The following PKHD1L1 variants were observed in gnomAD, a reference collection of about 807,000 sequenced individuals.
PKHD1L1 encodes the protein PKHD1 like 1.
Under a neutral mutation model 462.9 loss-of-function variants are expected in PKHD1L1, and 434 were observed. The ratio of observed to expected loss-of-function variants is 0.94; its 90% CI spans 0.87 to 1.02. The LOEUF (loss-of-function observed/expected upper bound fraction) is 1.02, where lower values mean the gene tolerates loss of function less well. Ranked by LOEUF, PKHD1L1 falls within the 50% of genes least tolerant of loss-of-function variation. PKHD1L1 has a pLI of 0.00. For synonymous variants in PKHD1L1, 1,781 were observed against 1,750.0 expected (o/e 1.02, Z -0.44); for missense variants, 5,202 against 5,096.1 (o/e 1.02, Z -0.63).
intron 17 of PKHD1L1, 28 bp from the exon 18 acceptor site, chr8:109,408,021 A>G: frequency 2.6e-6 from 4 of 1,538,704 alleles, no homozygotes; most frequent in Non-Finnish European, 3.5e-6. Flanking sequence ...GTTAATGTCT[A>G]CAAATTCTGT....
intron 14 of PKHD1L1, among the ~76,000 whole-genome samples, chr8:109,402,195 G>A (rs1156720787): frequency 1.3e-5 from 2 of 152,132 alleles, no homozygotes; most frequent in East Asian, 3.8e-4. Flanking sequence ...ATGATACATT[G>A]AAAATGGAGA....
At chr8:109,441,205 C>A in intron 33 of PKHD1L1, 70 bp from the exon 34 acceptor site, 1 of 1,071,086 alleles carries the variant, frequency 9.3e-7, no homozygotes, top group Non-Finnish European at 1.3e-6. Context: ...TGCTTCATCT[C>A]TATAATTCAC....
chr8:109,447,003 T>A lies in PKHD1L1; in HGVS notation c.5777-1140T>A, dbSNP rs975371509. Among the ~76,000 whole-genome samples the A allele has an allele frequency of 5.9e-5, 9 of 152,246 alleles. No homozygotes were observed. The East Asian group carries it at 1.5e-3, about 26-fold the overall frequency. The stretch of plus-strand genomic sequence containing the variant: ...CTTTGGGAGGCTGAGGCTGGCGGAT[T>A]GCCTGAGCTCAGGAGTTCGAGATCA... On this transcript the variant is annotated intron_variant, in intron 38 of 77. Coordinates refer to ENST00000378402, the MANE Select transcript of PKHD1L1 (RefSeq NM_177531.6).
At position 109,394,488 on chromosome 8, in the gene PKHD1L1, ATG is replaced by A. The variant is rs1812869284; in HGVS notation, c.811+6_811+7del. ...TGCAATGTTTCAAACATATGCAGGT[ATG>A]TGACTTTTCTTTCACTCTGTTGCGG... is the stretch of plus-strand genomic sequence containing the variant. On this transcript the variant is annotated splice_donor_5th_base_variant and intron_variant, in intron 10 of 77. Coordinates refer to ENST00000378402, the MANE Select transcript of PKHD1L1 (RefSeq NM_177531.6). The A allele has an allele frequency of 6.7e-7, 1 of 1,494,854 alleles. No individual in the cohort carries two copies. Among genetic ancestry groups the A allele is most frequent in the Admixed American group, 2.3e-5 (1 of 44,404 alleles). The allele number at this position is 1,494,854 out of a possible 1,614,324, so 92.6% of individuals were successfully genotyped here.
chr8:109,491,859 C>CT lies in PKHD1L1; in HGVS notation c.10115-7dup. 3 of 1,564,478 alleles carry CT rather than the reference C, an allele frequency of 1.9e-6. No homozygotes were observed. The highest frequency in any genetic ancestry group is 2.6e-6 in the Non-Finnish European group (3 of 1,151,292). ...TTTTGGGGATTTTCTTTCTTTTTTT[C>CT]TTTTTTTAAACAGGCATAAGAATAT... On this transcript the variant is annotated splice_polypyrimidine_tract_variant and intron_variant, in intron 61 of 77. Coordinates refer to ENST00000378402, the MANE Select transcript of PKHD1L1 (RefSeq NM_177531.6).
In PKHD1L1 at chr8:109,498,571, C is replaced by A; in HGVS notation, c.10709C>A (p.Ser3570Ter). The A allele has an allele frequency of 6.2e-7, 1 of 1,611,440 alleles. No individual in the cohort carries two copies. Among genetic ancestry groups the A allele is most frequent in the Non-Finnish European group, 8.5e-7 (1 of 1,177,574 alleles). The stretch of plus-strand genomic sequence containing the variant: ...GCTCATCGGAGTCCTAGATCTCCAT[C>A]AGGTGAAAAATTTGAAACTTTAATG... ...TAAHRSPRSP[S>*]GGRSGICWPT... is the part of the protein sequence containing the mutation. The change falls in exon 66 of 78, where the codon TCA becomes TAA. Residue 3570 changes from serine (S) to a stop codon, truncating the protein, a stop_gained and splice_region_variant. Coordinates refer to ENST00000378402, the MANE Select transcript of PKHD1L1 (RefSeq NM_177531.6). LOFTEE classifies it high-confidence loss of function.
chr8:109,363,120 G>C (rs1272822128), intron 1 of PKHD1L1, among the ~76,000 whole-genome samples: 1 of 152,150 alleles, frequency 6.6e-6, no homozygotes, highest in Admixed American at 6.5e-5. Context: ...AGGGGCAGCT[G>C]CCCTGTGTTT....
chr8:109,452,084 G>T, intron 41 of PKHD1L1, 40 bp from the exon 42 acceptor site: 1 of 1,568,536 alleles, frequency 6.4e-7, no homozygotes, highest in South Asian at 1.2e-5. Context: ...CTAGATATTT[G>T]AGAAAAACAT....
At chr8:109,426,579 G>A (rs1396860057) in intron 24 of PKHD1L1, among the ~76,000 whole-genome samples, 2 of 152,096 alleles carry the variant, frequency 1.3e-5, no homozygotes, top group Non-Finnish European at 2.9e-5. Flanking sequence ...GGGGGACATA[G>A]AGTTTGCAAG....
intron 56 of PKHD1L1, among the ~76,000 whole-genome samples, chr8:109,482,235 A>G (rs1741179383): frequency 1.3e-5 from 2 of 151,860 alleles, no homozygotes; most frequent in African/African-American, 2.4e-5. Flanking sequence ...TAAAACTGAC[A>G]CCAAGTAAAT....
At chr8:109,374,555 G>A (rs576731023) in intron 2 of PKHD1L1, among the ~76,000 whole-genome samples, 5 of 152,286 alleles carry the variant, frequency 3.3e-5, no homozygotes, top group African/African-American at 1.2e-4. Context: ...GACGTTAGCT[G>A]GTGATTTTGC....
intron 50 of PKHD1L1, among the ~76,000 whole-genome samples, chr8:109,467,190 T>C (rs991101536): frequency 6.6e-6 from 1 of 152,080 alleles, no homozygotes; most frequent in African/African-American, 2.4e-5. Context: ...CCGGTAAAGG[T>C]ACAATACCTG....
Position 109,452,988 on chromosome 8 carries a change from A to G in PKHD1L1, c.6664+114A>G. ...CATAGTTGCACTATCTTTTTAATAT[A>G]CAGTGTAGTCCTGGGCTTTCTAAAT... On this transcript the variant is annotated intron_variant, in intron 43 of 77. Coordinates refer to ENST00000378402, the MANE Select transcript of PKHD1L1 (RefSeq NM_177531.6). The G allele has an allele frequency of 7.7e-6, 7 of 909,422 alleles. No individual in the cohort carries two copies. In the South Asian group the frequency reaches 2.3e-4, roughly 30 times the overall value. 56.3% of individuals were successfully genotyped at this position (909,422 alleles called of 1,614,324 possible).
chr8:109,377,517 T>G (rs1811900866), intron 2 of PKHD1L1, among the ~76,000 whole-genome samples: 1 of 152,122 alleles, frequency 6.6e-6, no homozygotes, highest in South Asian at 2.1e-4. Context: ...ATACTACCGG[T>G]TAATTTGCCT....
intron 4 of PKHD1L1, 79 bp from the exon 5 acceptor site, chr8:109,383,991 A>G: frequency 4.4e-6 from 4 of 912,628 alleles, no homozygotes; most frequent in South Asian, 1.4e-5. Flanking sequence ...GAAATTTAGT[A>G]ATGTAAGAAA....
intron 48 of PKHD1L1, 148 bp downstream of exon 48, chr8:109,462,056 G>T: frequency 1.0e-6 from 1 of 984,394 alleles, no homozygotes. Flanking sequence ...ACACCCATTT[G>T]ATCATGCCAA....
intron 30 of PKHD1L1, among the ~76,000 whole-genome samples, chr8:109,437,812 A>C (rs938660703): frequency 5.3e-5 from 8 of 152,272 alleles, no homozygotes; most frequent in African/African-American, 1.9e-4. Context: ...ATGTGAAAAA[A>C]TGTTTTTCCT....
chr8:109,461,164 C>A (rs1222816855), intron 47 of PKHD1L1, among the ~76,000 whole-genome samples: 1 of 152,126 alleles, frequency 6.6e-6, no homozygotes, highest in Non-Finnish European at 1.5e-5. Flanking sequence ...TCATTCATAT[C>A]ATTACAATAC....
Position 109,443,895 on chromosome 8 carries a change from C to G in PKHD1L1, c.4784C>G (p.Ala1595Gly). 1 of 1,603,880 alleles carries G rather than the reference C, an allele frequency of 6.2e-7. No individual in the cohort carries two copies. Among genetic ancestry groups the G allele is most frequent in the Non-Finnish European group, 8.5e-7 (1 of 1,171,492 alleles). The change falls in exon 37 of 78, where the codon GCT becomes GGT. Residue 1595 changes from alanine to glycine, a missense_variant. Ala to Gly is a moderately conservative substitution (Grantham distance 60). Around this residue, in one of 3 missense-constraint regions of PKHD1L1, gnomAD observed 4,497 missense variants for 4,336.8 expected, o/e 1.04. Transcript: ENST00000378402. Reference protein sequence around the residue: ...IGHGFSNLPWANKVTIGSYPC... With the variant: ...IGHGFSNLPWGNKVTIGSYPC... ...CATGGCTTTAGTAATCTCCCATGGG[C>G]TAATAAGGTAAGAATATAAATACCT... is the stretch of plus-strand genomic sequence containing the variant.
Sources: gnomAD v4.1 joint callset for allele counts (sites outside exome capture counted in the v4.1 genomes callset) on GRCh38, gnomAD v4.1.1 for gene constraint, gnomAD v4.1.1 regional missense constraint, MANE v1.5 for transcripts, NCBI Gene and HGNC (gene_info 2026-07-23, HGNC 2026-07-21) for gene names.